Variants in CTNNBL1 observed in about 807,000 individuals in gnomAD.
The protein encoded by CTNNBL1 is catenin beta like 1.
A neutral mutation model predicts 72.7 loss-of-function variants in CTNNBL1; 31 were observed. The ratio of observed to expected loss-of-function variants is 0.43; its 90% CI spans 0.32 to 0.58. The LOEUF is 0.58. Among genes scored for constraint, CTNNBL1 ranks in the 20% least tolerant of loss-of-function variants. CTNNBL1 has a pLI of 0.08. For missense variants in CTNNBL1, 534 were observed against 725.1 expected, an observed-to-expected ratio of 0.74 and a Z score of 3.03; for synonymous variants, 240 against 267.3, an observed-to-expected ratio of 0.90 and a Z score of 1.00.
intron 1 of CTNNBL1, among the ~76,000 whole-genome samples, chr20:37,721,302 T>G (rs2073038801): frequency 6.6e-6 from 1 of 152,210 alleles, no homozygotes; most frequent in Non-Finnish European, 1.5e-5. Context: ...TTTATACTTC[T>G]AAAAAGTGCA....
At chr20:37,698,640 T>C (rs1440758345) in intron 1 of CTNNBL1, among the ~76,000 whole-genome samples, 1 of 152,230 alleles carries the variant, frequency 6.6e-6, no homozygotes, top group African/African-American at 2.4e-5. Flanking sequence ...AGTTTTCTTT[T>C]TGTAAGATCC....
At chr20:37,713,280 T>C (rs990330476) in intron 1 of CTNNBL1, among the ~76,000 whole-genome samples, 1 of 152,192 alleles carries the variant, frequency 6.6e-6, no homozygotes, top group Non-Finnish European at 1.5e-5. Context: ...CTTCCCATCC[T>C]CTTGGAGCCT....
At chr20:37,801,109 A>G (rs895874568) in intron 10 of CTNNBL1, among the ~76,000 whole-genome samples, 6 of 152,212 alleles carry the variant, frequency 3.9e-5, no homozygotes, top group African/African-American at 1.4e-4. Flanking sequence ...GAGAATGTAA[A>G]TTGCTTGAGA....
intron 1 of CTNNBL1, among the ~76,000 whole-genome samples, chr20:37,711,911 AT>A (rs972385819): frequency 5.3e-5 from 8 of 152,110 alleles, no homozygotes; most frequent in African/African-American, 1.9e-4. Context: ...GAATCCTAAC[AT>A]TTTTTAACTT....
chr20:37,856,242 C>A (rs1388423379), intron 13 of CTNNBL1, among the ~76,000 whole-genome samples: 2 of 150,628 alleles, frequency 1.3e-5, no homozygotes, highest in African/African-American at 4.9e-5. Flanking sequence ...AAATGCTGCA[C>A]AAGGTGCTTC....
At chr20:37,867,694 TACACATGC>T (rs894364305) in intron 15 of CTNNBL1, among the ~76,000 whole-genome samples, 3 of 152,008 alleles carry the variant, frequency 2.0e-5, no homozygotes, top group African/African-American at 7.3e-5. Context: ...TCCTCTTACA[TACACATGC>T]ACACACGCAC....
intron 11 of CTNNBL1, among the ~76,000 whole-genome samples, chr20:37,806,241 C>T (rs1470977624): frequency 1.3e-5 from 2 of 152,156 alleles, no homozygotes; most frequent in Admixed American, 1.3e-4. Context: ...CTAGGGGTAG[C>T]CCAGCTCCTA....
At chr20:37,853,498 A>C (rs1600530026) in intron 13 of CTNNBL1, among the ~76,000 whole-genome samples, 2 of 152,290 alleles carry the variant, frequency 1.3e-5, no homozygotes, top group South Asian at 2.1e-4. Context: ...GCACCCTTCG[A>C]AGTTCTTTCA....
chr20:37,807,049 C>T (rs186446702), intron 11 of CTNNBL1, among the ~76,000 whole-genome samples: 1 of 152,246 alleles, frequency 6.6e-6, no homozygotes, highest in East Asian at 1.9e-4. Context: ...CCATCCTGGT[C>T]CCGTCATAGC....
chr20:37,815,983 T>A (rs2072055053), intron 11 of CTNNBL1, among the ~76,000 whole-genome samples: 1 of 152,246 alleles, frequency 6.6e-6, no homozygotes, highest in African/African-American at 2.4e-5. Flanking sequence ...GGGGAAATGC[T>A]CTGTGTATTT....
chr20:37,725,372 C>T (rs1031313845), intron 1 of CTNNBL1, among the ~76,000 whole-genome samples: 6 of 151,934 alleles, frequency 3.9e-5, no homozygotes, highest in South Asian at 2.1e-4. Context: ...TCTCAGCTCA[C>T]GGCAACCTCT....
intron 11 of CTNNBL1, among the ~76,000 whole-genome samples, chr20:37,813,567 G>A (rs946615907): frequency 1.3e-5 from 2 of 152,132 alleles, no homozygotes; most frequent in South Asian, 2.1e-4. Context: ...TTTTTCTTTT[G>A]TGTTTTTCAT....
intron 3 of CTNNBL1, among the ~76,000 whole-genome samples, chr20:37,740,336 C>T (rs1600455679): frequency 2.0e-5 from 3 of 152,210 alleles, no homozygotes; most frequent in South Asian, 4.1e-4. Flanking sequence ...AGAGTGTATT[C>T]GGATGAAACT....
chr20:37,765,480 G>A (rs921856375), intron 6 of CTNNBL1, among the ~76,000 whole-genome samples, 190 bp downstream of exon 6: 6 of 152,196 alleles, frequency 3.9e-5, no homozygotes, highest in African/African-American at 1.4e-4. Flanking sequence ...GGTTTGGCTT[G>A]TAGGTAATGA....
At chr20:37,785,450 T>C (rs2073664459) in intron 10 of CTNNBL1, among the ~76,000 whole-genome samples, 1 of 152,232 alleles carries the variant, frequency 6.6e-6, no homozygotes, top group African/African-American at 2.4e-5. Flanking sequence ...CTTCGTTCTT[T>C]CTTATTCTTT....
At chr20:37,735,780 T>G (rs1313550254) in intron 2 of CTNNBL1, among the ~76,000 whole-genome samples, 2 of 152,206 alleles carry the variant, frequency 1.3e-5, no homozygotes, top group Non-Finnish European at 2.9e-5. Flanking sequence ...ATAGCTAACA[T>G]TTTTGAGTAC....
At chr20:37,705,081 G>A (rs1172499297) in intron 1 of CTNNBL1, among the ~76,000 whole-genome samples, 4 of 152,222 alleles carry the variant, frequency 2.6e-5, no homozygotes, top group African/African-American at 4.8e-5. Context: ...CACTGTGGGA[G>A]AAAATACTTC....
rs561416856 is a variant in CTNNBL1, at chr20:37,774,513, C to G, written c.751-2832C>G. ...AGATTCTTCCTTCATGCCAATTTCTCAGTCAGAACTTATATTTTAATTTAA... is the reference window on the plus strand; with the variant it reads ...AGATTCTTCCTTCATGCCAATTTCTGAGTCAGAACTTATATTTTAATTTAA... On this transcript the variant is annotated intron_variant, in intron 7 of 15. Coordinates refer to ENST00000361383, the MANE Select transcript of CTNNBL1 (RefSeq NM_030877.5). Among the ~76,000 whole-genome samples, 11 of 152,284 alleles carry G rather than the reference C, an allele frequency of 7.2e-5. No individual in the cohort carries two copies. The East Asian group carries it at 1.9e-3, about 27-fold the overall frequency.
intron 13 of CTNNBL1, among the ~76,000 whole-genome samples, chr20:37,856,719 C>T (rs1018377855): frequency 1.3e-5 from 2 of 152,128 alleles, no homozygotes; most frequent in African/African-American, 4.8e-5. Context: ...TCCAGGACGC[C>T]CTTACATTTC....
Sources: allele counts gnomAD v4.1 joint callset (sites outside exome capture counted in the v4.1 genomes callset), GRCh38; gene constraint gnomAD v4.1.1; transcripts MANE v1.5; gene names NCBI Gene and HGNC (gene_info 2026-07-23, HGNC 2026-07-21).